The following UGP2 variants were observed in gnomAD, a reference collection of about 807,000 sequenced individuals.
The protein encoded by UGP2 is UTP--glucose-1-phosphate uridylyltransferase.
Under a neutral mutation model 49.0 loss-of-function variants are expected in UGP2, and 40 were observed. The observed-to-expected ratio is 0.82, with a 90% CI of 0.63 to 1.06. The LOEUF (loss-of-function observed/expected upper bound fraction) is 1.06. Among genes scored for constraint, UGP2 ranks in the 50% least tolerant of loss-of-function variants. The probability of loss-of-function intolerance (pLI) is 0.00; values close to 1 mark genes in which losing one functional copy is unlikely to be tolerated. For missense variants in UGP2, 460 were observed against 603.5 expected (o/e 0.76, Z 2.49); for synonymous variants, 225 against 213.0 (o/e 1.06, Z -0.49).
chr2:63,850,767 T>C (rs1457642867), intron 1 of UGP2, among the ~76,000 whole-genome samples: 1 of 152,178 alleles, frequency 6.6e-6, no homozygotes, highest in Non-Finnish European at 1.5e-5. Context: ...TTATCTTAAC[T>C]CTGCCTTTCT....
chr2:63,853,477 T>G (rs1442961485), intron 1 of UGP2, among the ~76,000 whole-genome samples: 1 of 152,164 alleles, frequency 6.6e-6, no homozygotes, highest in Non-Finnish European at 1.5e-5. Context: ...TTAAGTGCGC[T>G]CTCCAATTCT....
chr2:63,877,906 T>A (rs1211800484), intron 3 of UGP2, among the ~76,000 whole-genome samples: 1 of 140,216 alleles, frequency 7.1e-6, no homozygotes, highest in African/African-American at 2.7e-5. Flanking sequence ...GGCAGGAGAA[T>A]GGCGTGAACC....
intron 5 of UGP2, among the ~76,000 whole-genome samples, chr2:63,884,620 G>T (rs1671532390): frequency 2.0e-5 from 3 of 152,160 alleles, no homozygotes; most frequent in African/African-American, 7.2e-5. Flanking sequence ...GTACAGAAGG[G>T]ATGTTTTGAG....
rs1558962820 is a variant in UGP2, at chr2:63,886,342, G to T, written c.875G>T (p.Gly292Val). ...ACTCACTATTTTCTGCCTTTCTAGG[G>T]CGGGACACTCACTCAATATGAAGGC... is the stretch of plus-strand genomic sequence containing the variant. The part of the protein sequence containing the change: ...VTNKTRADVK[G>V]GTLTQYEGKL... The change falls in exon 7 of 10, where the codon GGC becomes GTC. Residue 292 changes from glycine (G) to valine (V), a missense_variant and splice_region_variant. Physicochemically the swap from Gly to Val is moderately radical, Grantham distance 109. This residue lies in a region of UGP2 where 317 missense variants were observed against 473.0 expected (regional missense o/e 0.67). Transcript: ENST00000337130. 6.2e-7 allele frequency: 1 copy of T among 1,614,008 alleles called. No homozygotes were observed. The highest frequency in any genetic ancestry group is 8.5e-7 in the Non-Finnish European group (1 of 1,179,890).
At chr2:63,857,178 G>A (rs143430206) in intron 2 of UGP2, among the ~76,000 whole-genome samples, 9,601 of 151,944 alleles carry the variant, frequency 0.063, 939 homozygotes, top group East Asian at 0.51. Context: ...GTATGCGCCT[G>A]TGGTCCCAGC....
At chr2:63,863,988 C>T (rs1179439508) in intron 3 of UGP2, among the ~76,000 whole-genome samples, 1 of 152,174 alleles carries the variant, frequency 6.6e-6, no homozygotes, top group African/African-American at 2.4e-5. Context: ...AAAATATTCT[C>T]TTATTTCAAA....
chr2:63,873,691 A>C (rs1002075677), intron 3 of UGP2, among the ~76,000 whole-genome samples: 1 of 152,146 alleles, frequency 6.6e-6, no homozygotes, highest in African/African-American at 2.4e-5. Flanking sequence ...CCAATGCTCC[A>C]TGTTCCTGGA....
At chr2:63,858,068 A>G in intron 3 of UGP2, 132 bp downstream of exon 3, 1 of 772,220 alleles carries the variant, frequency 1.3e-6, no homozygotes, top group Non-Finnish European at 2.1e-6. Context: ...GAATTCTCTG[A>G]CCCCTCATCC....
intron 3 of UGP2, among the ~76,000 whole-genome samples, chr2:63,877,720 G>A (rs1328286531): frequency 2.0e-5 from 3 of 152,048 alleles, no homozygotes; most frequent in East Asian, 1.9e-4. Context: ...GCGGCCGGGC[G>A]CGGTGGCTCA....
Position 63,882,569 on chromosome 2 carries a change from G to C in UGP2, c.359G>C (p.Ser120Thr). The C allele has an allele frequency of 1.2e-6, 2 of 1,612,900 alleles. No individual in the cohort carries two copies. Among genetic ancestry groups the C allele is most frequent in the Non-Finnish European group, 1.7e-6 (2 of 1,179,164 alleles). ...AAACTCAATGGTGGTTTGGGAACCA[G>C]CATGGGCTGCAAAGGCCCTAAAAGT... ...VVKLNGGLGT[S>T]MGCKGPKSLI... Residue 120 changes from serine (S) to threonine (T), a missense_variant, in exon 4 of 10, where the codon AGC becomes ACC. This residue lies in a region of UGP2 where 317 missense variants were observed against 473.0 expected (regional missense o/e 0.67). Transcript: ENST00000337130.
chr2:63,841,432 G>A (rs1262457530), upstream of UGP2, among the ~76,000 whole-genome samples: 4 of 152,144 alleles, frequency 2.6e-5, no homozygotes, highest in African/African-American at 4.8e-5. Flanking sequence ...GCCGGTGCAC[G>A]GGTCTGCCTC....
intron 3 of UGP2, among the ~76,000 whole-genome samples, chr2:63,882,021 G>A (rs1450579246): frequency 1.3e-5 from 2 of 152,160 alleles, no homozygotes; most frequent in African/African-American, 4.8e-5. Flanking sequence ...GTGGTAGAAG[G>A]AATAATGTGT....
intron 1 of UGP2, among the ~76,000 whole-genome samples, chr2:63,843,929 C>T (rs1307441863): frequency 2.0e-5 from 3 of 152,008 alleles, no homozygotes; most frequent in Non-Finnish European, 4.4e-5. Flanking sequence ...GTGTTGTCCA[C>T]GCTGGAGTAC....
intron 3 of UGP2, among the ~76,000 whole-genome samples, chr2:63,869,252 A>C (rs1054297058): frequency 2.0e-5 from 3 of 152,244 alleles, no homozygotes; most frequent in African/African-American, 7.2e-5. Context: ...AGGCGTCTCT[A>C]AGTTGACATT....
At chr2:63,864,908 A>G (rs1463423250) in intron 3 of UGP2, among the ~76,000 whole-genome samples, 9 of 152,250 alleles carry the variant, frequency 5.9e-5, no homozygotes, top group Non-Finnish European at 1.2e-4. Context: ...AAGATAGTCA[A>G]GGGCCTAATA....
At chr2:63,860,433 A>G (rs1669756646) in intron 3 of UGP2, among the ~76,000 whole-genome samples, 1 of 152,204 alleles carries the variant, frequency 6.6e-6, no homozygotes, top group Non-Finnish European at 1.5e-5. Context: ...TATGGCTTGT[A>G]ACAAAACCTG....
chr2:63,872,231 C>T (rs563718454), intron 3 of UGP2, among the ~76,000 whole-genome samples: 1 of 152,184 alleles, frequency 6.6e-6, no homozygotes, highest in Non-Finnish European at 1.5e-5. Context: ...TATATTTCAT[C>T]AAATTTGGGC....
In UGP2 at chr2:63,886,415, C is replaced by T. The variant is rs747872356; in HGVS notation, c.948C>T (p.Asp316=). ...CTCAAGTGCCAAAAGCACATGTAGA[C>T]GAGTTCAAGTCTGTATCAAAGTTCA... ...EIAQVPKAHV[D]EFKSVSKFKI... Residue 316 remains aspartate (D), a synonymous_variant, in exon 7 of 10, where the codon GAC becomes GAT. Coordinates refer to ENST00000337130, the MANE Select transcript of UGP2 (RefSeq NM_006759.4). 4.1e-5 allele frequency: 66 copies of T among 1,614,038 alleles called. No homozygotes were observed. Among genetic ancestry groups the T allele is most frequent in the Non-Finnish European group, 5.2e-5 (61 of 1,180,026 alleles).
chr2:63,856,034 T>C, intron 1 of UGP2: 1 of 293,932 alleles, frequency 3.4e-6, no homozygotes, highest in South Asian at 5.0e-5. Context: ...CCTATGCCCT[T>C]CTCCTTTTAA....
Sources: allele counts gnomAD v4.1 joint callset (sites outside exome capture counted in the v4.1 genomes callset), GRCh38; gene constraint gnomAD v4.1.1; regional missense constraint gnomAD v4.1.1; transcripts MANE v1.5; gene names NCBI Gene and HGNC (gene_info 2026-07-23, HGNC 2026-07-21).